FOXP2: variants seen among roughly 807,000 people sequenced by gnomAD.
FOXP2 encodes the protein forkhead box P2, also known as forkhead box protein P2.
In FOXP2, 12 loss-of-function variants were observed where a neutral mutation model predicts 115.8. The ratio of observed to expected loss-of-function variants is 0.10; its 90% CI spans 0.07 to 0.17. The LOEUF is 0.17. Ranked by LOEUF, FOXP2 falls within the 10% of genes least tolerant of loss-of-function variation. The pLI, the probability that FOXP2 is intolerant of heterozygous loss-of-function variation, is 1.00. For missense variants in FOXP2, 629 were observed against 843.5 expected (o/e 0.75, Z 3.15); for synonymous variants, 328 against 297.7 (o/e 1.10, Z -1.05).
chr7:114,136,178 CA>C (rs953657529), intron 1 of FOXP2, among the ~76,000 whole-genome samples: 2 of 152,068 alleles, frequency 1.3e-5, no homozygotes, highest in African/African-American at 4.8e-5. Flanking sequence ...CTATTACACA[CA>C]TAGCATTCTT....
At chr7:114,517,223 G>A (rs1369081713) in intron 2 of FOXP2, among the ~76,000 whole-genome samples, 1 of 151,874 alleles carries the variant, frequency 6.6e-6, no homozygotes, top group Non-Finnish European at 1.5e-5. Context: ...TGAGTTGTTT[G>A]AAGTTCTCAT....
At position 114,096,647 on chromosome 7, in the gene FOXP2, C is replaced by T. The variant is rs146116840; in HGVS notation, c.-247+8809C>T. ...TGAAATGATGCAGAATTCTAAAATA[C>T]GAATAAGTATATGCACATGCTTATT... On this transcript the variant is annotated intron_variant, in intron 1 of 19. Coordinates refer to the FOXP2 transcript ENST00000635638. 4.5e-3 allele frequency among the ~76,000 whole-genome samples: 686 copies of T among 152,006 alleles called. 28 individuals carry two copies. Among genetic ancestry groups the T allele is most frequent in the Admixed American group, 0.042 (645 of 15,250 alleles).
chr7:114,222,964 A>G (rs1334125916), intron 1 of FOXP2, among the ~76,000 whole-genome samples: 4 of 152,202 alleles, frequency 2.6e-5, no homozygotes, highest in South Asian at 4.1e-4. Flanking sequence ...ACTATTTATT[A>G]TTACATTGTA....
intron 1 of FOXP2, among the ~76,000 whole-genome samples, chr7:114,254,268 G>A (rs1389133413): frequency 6.6e-6 from 1 of 152,092 alleles, no homozygotes; most frequent in Non-Finnish European, 1.5e-5. Context: ...GACAATTAGT[G>A]TCTTGGAGTT....
In FOXP2 at chr7:114,521,854, T is replaced by C. The variant is rs552155414; in HGVS notation, c.169-12763T>C. ...GTAAAGGTCTGTAAAGGAGCTACTGTGTGCAAGGCAGTGTCATGGTTCCTG... is the reference window on the plus strand; with the variant it reads ...GTAAAGGTCTGTAAAGGAGCTACTGCGTGCAAGGCAGTGTCATGGTTCCTG... On this transcript the variant is annotated intron_variant, in intron 2 of 16. Transcript: ENST00000350908. Among the ~76,000 whole-genome samples, 212 of 152,280 alleles carry C rather than the reference T, an allele frequency of 1.4e-3. 1 individual carries two copies. Among genetic ancestry groups the C allele is most frequent in the Non-Finnish European group, 1.5e-4 (10 of 68,014 alleles).
At chr7:114,593,897 C>A (rs933731655) in intron 3 of FOXP2, among the ~76,000 whole-genome samples, 7 of 151,830 alleles carry the variant, frequency 4.6e-5, no homozygotes, top group Admixed American at 2.6e-4. Flanking sequence ...GTTGATTGAA[C>A]CATTAAATAT....
upstream of FOXP2, among the ~76,000 whole-genome samples, chr7:114,158,812 T>G (rs1327973948): frequency 6.6e-6 from 1 of 152,144 alleles, no homozygotes; most frequent in Non-Finnish European, 1.5e-5. Flanking sequence ...TATGTTGCCT[T>G]GGAGTTTTCC....
chr7:114,145,161 G>A (rs1248476723), intron 1 of FOXP2, among the ~76,000 whole-genome samples: 4 of 152,012 alleles, frequency 2.6e-5, no homozygotes, highest in Non-Finnish European at 5.9e-5. Flanking sequence ...CTTCTGTACA[G>A]TACGAATAAT....
chr7:114,252,002 G>T (rs1083151), intron 1 of FOXP2, among the ~76,000 whole-genome samples: 3 of 152,158 alleles, frequency 2.0e-5, no homozygotes, highest in Non-Finnish European at 4.4e-5. Flanking sequence ...TAGCATGAAG[G>T]GTTGTTGAAT....
chr7:114,396,473 TTCAACATAC>T (rs1792743679), intron 2 of FOXP2, among the ~76,000 whole-genome samples: 2 of 152,192 alleles, frequency 1.3e-5, no homozygotes, highest in Non-Finnish European at 1.5e-5. Flanking sequence ...CACATCTCTC[TTCAACATAC>T]TGATTTCATT....
chr7:114,462,753 T>A (rs896622879), intron 2 of FOXP2, among the ~76,000 whole-genome samples: 1 of 152,158 alleles, frequency 6.6e-6, no homozygotes, highest in African/African-American at 2.4e-5. Context: ...GCATTCTGAG[T>A]TGATTATCAT....
chr7:114,338,507 A>G (rs1346180484), intron 2 of FOXP2, among the ~76,000 whole-genome samples: 1 of 151,132 alleles, frequency 6.6e-6, no homozygotes, highest in Non-Finnish European at 1.5e-5. Flanking sequence ...TGCTAAATCA[A>G]AAAATATTTT....
chr7:114,581,599 A>G (rs1450296041), intron 3 of FOXP2, among the ~76,000 whole-genome samples: 1 of 152,128 alleles, frequency 6.6e-6, no homozygotes, highest in African/African-American at 2.4e-5. Context: ...CCACTGTTCA[A>G]CCTATACTGA....
intron 1 of FOXP2, among the ~76,000 whole-genome samples, chr7:114,139,888 G>A (rs551339634): frequency 2.0e-5 from 3 of 152,140 alleles, no homozygotes; most frequent in African/African-American, 7.2e-5. Flanking sequence ...TGAGGTGGGC[G>A]GATTGCCTGA....
chr7:114,591,471 A>G (rs1185875649), intron 3 of FOXP2, among the ~76,000 whole-genome samples: 2 of 152,094 alleles, frequency 1.3e-5, no homozygotes, highest in Non-Finnish European at 2.9e-5. Context: ...TACTTTTTAT[A>G]TTGAACTAAC....
chr7:114,256,149 C>G (rs1355112109), intron 1 of FOXP2, among the ~76,000 whole-genome samples: 1 of 152,146 alleles, frequency 6.6e-6, no homozygotes, highest in Non-Finnish European at 1.5e-5. Flanking sequence ...GTTACCCAGG[C>G]TGGAGTGCAG....
At chr7:114,158,842 A>G (rs1407693969), upstream of FOXP2, among the ~76,000 whole-genome samples, 4 of 152,110 alleles carry the variant, frequency 2.6e-5, no homozygotes, top group Admixed American at 1.3e-4. Flanking sequence ...CACTCCTTCC[A>G]TAACTGTTGG....
chr7:114,322,022 C>CTT (rs5886698), intron 2 of FOXP2, among the ~76,000 whole-genome samples: 2 of 128,388 alleles, frequency 1.6e-5, no homozygotes, highest in Admixed American at 7.8e-5. Flanking sequence ...CAGAGGATTC[C>CTT]TTTTTTTTTT....
At chr7:114,520,392 T>C (rs927539478) in intron 2 of FOXP2, among the ~76,000 whole-genome samples, 1 of 152,062 alleles carries the variant, frequency 6.6e-6, no homozygotes, top group Non-Finnish European at 1.5e-5. Context: ...ATATAGTATG[T>C]AACATAATGA....
Sources: allele counts gnomAD v4.1 joint callset (sites outside exome capture counted in the v4.1 genomes callset), GRCh38; gene constraint gnomAD v4.1.1; transcripts MANE v1.5; gene names NCBI Gene and HGNC (gene_info 2026-07-23, HGNC 2026-07-21).